The following METTL15 variants were observed in gnomAD, a reference collection of about 807,000 sequenced individuals.
METTL15 encodes 12S rRNA N(4)-cytidine methyltransferase METTL15.
A neutral mutation model predicts 38.3 loss-of-function variants in METTL15; 34 were observed. That is an observed-to-expected ratio of 0.89 (90% confidence interval 0.68 to 1.18). The LOEUF (loss-of-function observed/expected upper bound fraction) is 1.18, where lower values mean the gene tolerates loss of function less well. Among genes scored for constraint, METTL15 ranks in the 50% most tolerant of loss-of-function variants. The probability of loss-of-function intolerance (pLI) is 0.00; values close to 1 mark genes in which losing one functional copy is unlikely to be tolerated. For synonymous variants in METTL15, 162 were observed against 170.9 expected, an observed-to-expected ratio of 0.95 and a Z score of 0.41; for missense variants, 438 against 498.4, an observed-to-expected ratio of 0.88 and a Z score of 1.15.
At chr11:28,376,765 T>C (rs904483633) in intron 5 of METTL15, among the ~76,000 whole-genome samples, 1 of 151,560 alleles carries the variant, frequency 6.6e-6, no homozygotes, top group Non-Finnish European at 1.5e-5. Flanking sequence ...CGATGGTCTT[T>C]ACATTTTGGC....
At chr11:28,244,314 T>C (rs539509241) in intron 4 of METTL15, among the ~76,000 whole-genome samples, 2 of 152,326 alleles carry the variant, frequency 1.3e-5, no homozygotes, top group South Asian at 4.1e-4. Context: ...TATTGTAATT[T>C]TTTGTCCTGA....
chr11:28,161,038 CATTAAGT>C (rs937187514), intron 3 of METTL15, among the ~76,000 whole-genome samples: 1 of 149,382 alleles, frequency 6.7e-6, no homozygotes, highest in Non-Finnish European at 1.5e-5. Context: ...AAGTAAATCA[CATTAAGT>C]ATTAAGTATT....
chr11:28,429,350 G>A (rs558292372), intron 6 of METTL15, among the ~76,000 whole-genome samples: 1 of 33,334 alleles, frequency 3.0e-5, no homozygotes, highest in Admixed American at 3.9e-4. Flanking sequence ...GTAAACAGTA[G>A]CCCTCTCCCT....
At chr11:28,122,148 G>T (rs1333350821) in intron 3 of METTL15, 1 of 1,239,188 alleles carries the variant, frequency 8.1e-7, no homozygotes, top group Admixed American at 2.6e-5. Flanking sequence ...ACAGAGTCTT[G>T]GTGTGAGGAG....
intron 3 of METTL15, among the ~76,000 whole-genome samples, chr11:28,180,499 C>T (rs1000618864): frequency 2.0e-5 from 3 of 151,780 alleles, no homozygotes; most frequent in African/African-American, 7.2e-5. Flanking sequence ...TCAATGAGAA[C>T]TATTTTTAAA....
intron 6 of METTL15, among the ~76,000 whole-genome samples, chr11:28,300,452 A>C (rs1015432581): frequency 6.6e-6 from 1 of 152,170 alleles, no homozygotes; most frequent in Non-Finnish European, 1.5e-5. Flanking sequence ...TTAAGCTGTT[A>C]ATTGTAAAAT....
rs974524426 is a variant in METTL15 at position 28,330,907 on chromosome 11, C to A, written c.*66C>A. The A allele has an allele frequency of 3.3e-6, 4 of 1,194,540 alleles. No homozygotes were observed. The highest frequency in any genetic ancestry group is 4.6e-6 in the Non-Finnish European group (4 of 860,902). The allele number at this position is 1,194,540 out of a possible 1,614,324, so 74.0% of individuals were successfully genotyped here. A position where few individuals can be genotyped will look rare whatever the true frequency, so the allele number is the denominator to read the frequency against. ...TCTCTAATCTTTACTCATGTTATGT[C>A]CCTGAATGTCTTGGTATAGGTTTAA... On this transcript the variant is annotated 3_prime_UTR_variant, in exon 7 of 7. Coordinates refer to ENST00000407364, the MANE Select transcript of METTL15 (RefSeq NM_001113528.2).
At chr11:28,494,802 C>T (rs753431639) in intron 6 of METTL15, among the ~76,000 whole-genome samples, 2 of 152,204 alleles carry the variant, frequency 1.3e-5, no homozygotes, top group Non-Finnish European at 2.9e-5. Context: ...GACTTTGCTC[C>T]TCATTCACCT....
chr11:28,396,579 T>C (rs1850571295), intron 5 of METTL15, among the ~76,000 whole-genome samples: 2 of 151,842 alleles, frequency 1.3e-5, no homozygotes, highest in Non-Finnish European at 2.9e-5. Flanking sequence ...CACTGCTCAA[T>C]GAAATAAAAG....
At chr11:28,328,189 A>G (rs1343274899) in intron 6 of METTL15, 1 of 1,603,686 alleles carries the variant, frequency 6.2e-7, no homozygotes, top group Non-Finnish European at 8.5e-7. Flanking sequence ...CTTCCTTTTC[A>G]GTTTTGATAT....
Position 28,113,318 on chromosome 11 carries a change from A to G in METTL15, c.-17A>G. On this transcript the variant is annotated splice_region_variant and 5_prime_UTR_variant, in exon 3 of 7. Coordinates refer to ENST00000407364, the MANE Select transcript of METTL15 (RefSeq NM_001113528.2). ...ATCATATTTTAATTTTTTTTTCTAG[A>G]TTTGTTTACCTACAAAATGCTTCGG... is the stretch of plus-strand genomic sequence containing the variant. 2.6e-6 allele frequency: 4 copies of G among 1,515,490 alleles called. No homozygotes were observed. Among genetic ancestry groups the G allele is most frequent in the Admixed American group, 4.3e-5 (2 of 46,824 alleles). 93.9% of individuals were successfully genotyped at this position (1,515,490 alleles called of 1,614,324 possible).
At chr11:28,307,387 C>A (rs1857119395) in intron 6 of METTL15, among the ~76,000 whole-genome samples, 1 of 151,794 alleles carries the variant, frequency 6.6e-6, no homozygotes. Context: ...ATCAATATTT[C>A]TTTAATGAAT....
intron 3 of METTL15, among the ~76,000 whole-genome samples, chr11:28,341,072 A>T (rs190637086): frequency 6.6e-5 from 10 of 152,350 alleles, no homozygotes; most frequent in Non-Finnish European, 1.5e-4. Context: ...ACACAGGAAC[A>T]GAAAACCAAA....
At chr11:28,336,963 C>T (rs967417547), downstream of METTL15, among the ~76,000 whole-genome samples, 1 of 152,026 alleles carries the variant, frequency 6.6e-6, no homozygotes, top group Non-Finnish European at 1.5e-5. Context: ...CCCTGAACAC[C>T]TTCCAGTGGG....
At chr11:28,414,363 T>A (rs1850754132) in intron 5 of METTL15, among the ~76,000 whole-genome samples, 2 of 152,068 alleles carry the variant, frequency 1.3e-5, no homozygotes, top group Non-Finnish European at 2.9e-5. Flanking sequence ...TTCAATCTCC[T>A]GCCAGTGCCT....
intron 4 of METTL15, among the ~76,000 whole-genome samples, chr11:28,259,723 A>G (rs1030695020): frequency 3.3e-5 from 5 of 152,226 alleles, no homozygotes; most frequent in African/African-American, 1.2e-4. Flanking sequence ...CCACGCCTCT[A>G]CTGCAGGTGA....
intron 6 of METTL15, among the ~76,000 whole-genome samples, chr11:28,310,305 T>C (rs1857229008): frequency 6.6e-6 from 1 of 151,542 alleles, no homozygotes; most frequent in African/African-American, 2.4e-5. Context: ...GGCAATTAGT[T>C]TGAGGAAAGA....
intron 4 of METTL15, among the ~76,000 whole-genome samples, chr11:28,224,988 A>C (rs1352492866): frequency 2.6e-5 from 4 of 151,446 alleles, no homozygotes; most frequent in African/African-American, 9.7e-5. Context: ...TTTATTCATC[A>C]CTGACTTTAG....
At chr11:28,427,135 T>A (rs769738233) in intron 6 of METTL15, among the ~76,000 whole-genome samples, 4 of 152,220 alleles carry the variant, frequency 2.6e-5, no homozygotes, top group Non-Finnish European at 5.9e-5. Flanking sequence ...AGTAGTCCGC[T>A]TTCAATTTTC....
Sources: gnomAD v4.1 joint callset for allele counts (sites outside exome capture counted in the v4.1 genomes callset) on GRCh38, gnomAD v4.1.1 for gene constraint, MANE v1.5 for transcripts, NCBI Gene and HGNC (gene_info 2026-07-23, HGNC 2026-07-21) for gene names.